Variants in DSC2 observed in about 807,000 individuals in gnomAD.
DSC2 encodes desmocollin 2.
In DSC2, 51 loss-of-function variants were observed where a neutral mutation model predicts 87.6. The observed-to-expected ratio is 0.58, with a 90% CI of 0.46 to 0.74. The LOEUF (loss-of-function observed/expected upper bound fraction) is 0.74, where lower values mean the gene tolerates loss of function less well. Among genes scored for constraint, DSC2 ranks in the 30% least tolerant of loss-of-function variants. The pLI, the probability that DSC2 is intolerant of heterozygous loss-of-function variation, is 0.00. For synonymous variants in DSC2, 383 were observed against 393.2 expected, an observed-to-expected ratio of 0.97 and a Z score of 0.31; for missense variants, 1,066 against 1,089.5, an observed-to-expected ratio of 0.98 and a Z score of 0.30.
In DSC2 at chr18:31,067,687, T is replaced by C. The variant is rs1986669993; in HGVS notation, c.*328A>G. 3.4e-6 allele frequency: 1 copy of C among 294,254 alleles called. No individual in the cohort carries two copies. Among genetic ancestry groups the C allele is most frequent in the South Asian group, 3.6e-5 (1 of 27,984 alleles). 18.2% of individuals were successfully genotyped at this position (294,254 alleles called of 1,614,324 possible). On this transcript the variant is annotated 3_prime_UTR_variant, in exon 16 of 16. Coordinates refer to ENST00000280904, the MANE Select transcript of DSC2 (RefSeq NM_024422.6). ...ATTAGGTTGTGCTTCAAATAGTCTA[T>C]AATAAGGACTTGAATTAATTACATT...
chr18:31,095,005 T>C (rs1987718589), intron 1 of DSC2, among the ~76,000 whole-genome samples: 1 of 152,218 alleles, frequency 6.6e-6, no homozygotes, highest in African/African-American at 2.4e-5. Context: ...AGCCAAGTCC[T>C]TGCCTCACGA....
At chr18:31,088,468 C>T (rs567426381) in intron 5 of DSC2, among the ~76,000 whole-genome samples, 62 of 152,144 alleles carry the variant, frequency 4.1e-4, no homozygotes, top group Non-Finnish European at 7.9e-4. Flanking sequence ...CCTAGGTACT[C>T]AGAAGGCCAG....
chr18:31,089,219 A>G (rs1053129950), intron 5 of DSC2, among the ~76,000 whole-genome samples: 1 of 152,070 alleles, frequency 6.6e-6, no homozygotes, highest in East Asian at 1.9e-4. Flanking sequence ...GGGGGAAAAA[A>G]AAATAGTAAA....
intron 12 of DSC2, among the ~76,000 whole-genome samples, chr18:31,072,147 G>A (rs577243472): frequency 6.6e-6 from 1 of 152,302 alleles, no homozygotes; most frequent in South Asian, 2.1e-4. Flanking sequence ...CTTGTTAATA[G>A]ATTAGTTTTT....
intron 11 of DSC2, among the ~76,000 whole-genome samples, chr18:31,079,073 C>G (rs1053739501): frequency 5.9e-5 from 9 of 151,888 alleles, no homozygotes; most frequent in Non-Finnish European, 8.8e-5. Flanking sequence ...AATTCTAACC[C>G]CCAAGTATAT....
rs1244932053 is a variant in DSC2 at position 31,062,300 on chromosome 18, A to C, written c.*5715T>G. 6.6e-6 allele frequency: 1 copy of C among 152,182 alleles called. No individual in the cohort carries two copies. Among genetic ancestry groups the C allele is most frequent in the Non-Finnish European group, 1.5e-5 (1 of 68,030 alleles). 9.4% of individuals were successfully genotyped at this position (152,182 alleles called of 1,614,324 possible). A position where few individuals can be genotyped will look rare whatever the true frequency, so the allele number is the denominator to read the frequency against. On this transcript the variant is annotated 3_prime_UTR_variant, in exon 16 of 16. Transcript: ENST00000280904. Reference sequence around the variant, plus strand: ...ACTTACAACATTTTATAAATAACTAATGGGAATTTTGGCAAACTCATAAGA... The same window carrying C: ...ACTTACAACATTTTATAAATAACTACTGGGAATTTTGGCAAACTCATAAGA...
intron 9 of DSC2, 107 bp downstream of exon 9, chr18:31,082,131 A>T (rs1987239864): frequency 9.9e-7 from 1 of 1,006,764 alleles, no homozygotes; most frequent in African/African-American, 1.6e-5. Context: ...ATTTACTTAT[A>T]TACCTATTTT....
At chr18:31,075,680 A>G (rs778370144) in intron 11 of DSC2, among the ~76,000 whole-genome samples, 1 of 152,090 alleles carries the variant, frequency 6.6e-6, no homozygotes, top group Non-Finnish European at 1.5e-5. Flanking sequence ...GAGAAAGCCT[A>G]TCTCTACTAA....
At position 31,092,826 on chromosome 18, in the gene DSC2, TC is replaced by T. The variant is rs200961163; in HGVS notation, c.155-527del. Among the ~76,000 whole-genome samples the T allele has an allele frequency of 1.1e-4, 17 of 152,136 alleles. No individual in the cohort carries two copies. The East Asian group carries it at 2.9e-3, about 26-fold the overall frequency. ...AGAGTGAAATATTTAAGAATAAAAA[TC>T]CAAAAACAGTATCTTTAAACTAAAA... On this transcript the variant is annotated intron_variant, in intron 2 of 15. Coordinates refer to ENST00000280904, the MANE Select transcript of DSC2 (RefSeq NM_024422.6).
chr18:31,091,636 T>G (rs2144844913), intron 3 of DSC2: 1 of 458,102 alleles, frequency 2.2e-6, no homozygotes, highest in South Asian at 1.5e-5. Flanking sequence ...TGGCTAATGG[T>G]TGAATACAAG....
intron 12 of DSC2, among the ~76,000 whole-genome samples, chr18:31,072,579 TACG>T (rs1213656375): frequency 6.6e-6 from 1 of 152,200 alleles, no homozygotes; most frequent in Non-Finnish European, 1.5e-5. Context: ...CAAACCTTAT[TACG>T]ACAACAGTAC....
In DSC2 at chr18:31,101,281, C is replaced by A. The variant is rs749779066; in HGVS notation, c.69+622G>T. ...GGGTCAAGATCCCCTCCCCCACCCG[C>A]CACTTCCCCCCGCCCTTCTCTCAGA... On this transcript the variant is annotated intron_variant, in intron 1 of 15. Transcript: ENST00000280904. The A allele has an allele frequency of 1.0e-3, 982 of 957,586 alleles. 5 individuals are homozygous for A. Among genetic ancestry groups the A allele is most frequent in the Middle Eastern group, 7.0e-3 (13 of 1,864 alleles). The allele number at this position is 957,586 out of a possible 1,614,324, so 59.3% of individuals were successfully genotyped here.
intron 4 of DSC2, 116 bp downstream of exon 4, chr18:31,090,912 A>T (rs1344844813): frequency 2.9e-6 from 4 of 1,398,448 alleles, no homozygotes; most frequent in Non-Finnish European, 4.0e-6. Context: ...TATTATACAC[A>T]TACTCATTCA....
chr18:31,071,489 T>C (rs1986824767), intron 13 of DSC2, 116 bp downstream of exon 13: 2 of 884,900 alleles, frequency 2.3e-6, no homozygotes, highest in East Asian at 2.5e-5. Flanking sequence ...GAGTCTGCAG[T>C]GAGCGGAGAT....
intron 7 of DSC2, among the ~76,000 whole-genome samples, chr18:31,083,702 G>T (rs1188230579): frequency 6.6e-6 from 1 of 152,164 alleles, no homozygotes; most frequent in East Asian, 1.9e-4. Context: ...GGCTATGTAG[G>T]TTTTTTTCTT....
intron 12 of DSC2, among the ~76,000 whole-genome samples, chr18:31,072,242 T>C (rs981958946): frequency 5.9e-5 from 9 of 152,236 alleles, no homozygotes; most frequent in Admixed American, 1.3e-4. Context: ...TCTGAAATTC[T>C]GGATGTTTTC....
chr18:31,068,105 G>A lies in DSC2; in HGVS notation c.2616C>T (p.Cys872=), dbSNP rs61731920. 3.6e-4 allele frequency: 587 copies of A among 1,613,952 alleles called. 2 individuals carry two copies. In the African/African-American group the frequency reaches 6.0e-3, roughly 17 times the overall value. ...RGSVAGSVGC[C]SERQEEDGLE... ...GCCCATCTTCTTCTTGTCGTTCACT[G>A]CAACAACCTACAGACCCAGCCACCG... The change falls in exon 16 of 16, where the codon TGC becomes TGT. Residue 872 remains cysteine (C), a synonymous_variant. Transcript: ENST00000280904.
At position 31,068,004 on chromosome 18, in the gene DSC2, T is replaced by C. The variant is rs755764064; in HGVS notation, c.*11A>G. 6.2e-7 allele frequency: 1 copy of C among 1,613,536 alleles called. No homozygotes were observed. Among genetic ancestry groups the C allele is most frequent in the East Asian group, 2.2e-5 (1 of 44,836 alleles). ...AAAGCCACTGGCTTTCAGAGACTTATTAGAACACACTCATCTCTTCATGCA... is the reference window on the plus strand; with the variant it reads ...AAAGCCACTGGCTTTCAGAGACTTACTAGAACACACTCATCTCTTCATGCA... On this transcript the variant is annotated 3_prime_UTR_variant, in exon 16 of 16. Transcript: ENST00000280904.
intron 14 of DSC2, among the ~76,000 whole-genome samples, chr18:31,069,739 A>G (rs1190176789): frequency 2.0e-5 from 3 of 151,348 alleles, no homozygotes; most frequent in Non-Finnish European, 4.4e-5. Flanking sequence ...AAAGCCTCTT[A>G]GAATACTGTA....
Sources: gnomAD v4.1 joint callset for allele counts (sites outside exome capture counted in the v4.1 genomes callset) on GRCh38, gnomAD v4.1.1 for gene constraint, MANE v1.5 for transcripts, NCBI Gene and HGNC (gene_info 2026-07-23, HGNC 2026-07-21) for gene names.